FAT3: variants seen among roughly 807,000 people sequenced by gnomAD.
FAT3 encodes FAT atypical cadherin 3, also known as protocadherin Fat 3.
In FAT3, 95 loss-of-function variants were observed where a neutral mutation model predicts 310.2. The ratio of observed to expected loss-of-function variants is 0.31; its 90% CI spans 0.26 to 0.36. The LOEUF (loss-of-function observed/expected upper bound fraction) is 0.36. Among genes scored for constraint, FAT3 ranks in the 10% least tolerant of loss-of-function variants. The pLI is 1.00. For missense variants in FAT3, 5,408 were observed against 5,715.6 expected (o/e 0.95, Z 1.74); for synonymous variants, 2,314 against 2,192.9 (o/e 1.06, Z -1.54).
intron 4 of FAT3, among the ~76,000 whole-genome samples, chr11:92,727,721 C>CT (rs1945040554): frequency 6.6e-6 from 1 of 152,130 alleles, no homozygotes; most frequent in Non-Finnish European, 1.5e-5. Context: ...GTGCAGGGTC[C>CT]TTTATGTTTT....
rs191801951 is a variant in FAT3, at chr11:92,542,679, C to T, written c.3607+17731C>T. Among the ~76,000 whole-genome samples the T allele has an allele frequency of 8.6e-5, 13 of 151,890 alleles. No individual in the cohort carries two copies. In the East Asian group the frequency reaches 2.3e-3, roughly 27 times the overall value. On this transcript the variant is annotated intron_variant, in intron 3 of 27. Transcript: ENST00000525166. ...GCTATTATCAAAAAGACAAAAATAA[C>T]AAATGCTGGCATGGATGTGGAGAAA...
intron 3 of FAT3, among the ~76,000 whole-genome samples, chr11:92,630,020 G>C (rs759003743): frequency 6.6e-6 from 1 of 152,174 alleles, no homozygotes; most frequent in Non-Finnish European, 1.5e-5. Context: ...ATATTGGACA[G>C]TAATTGGTAC....
chr11:92,355,440 A>G (rs1948704775), intron 2 of FAT3, 36 bp downstream of exon 2: 1 of 1,565,670 alleles, frequency 6.4e-7, no homozygotes, highest in Non-Finnish European at 8.7e-7. Flanking sequence ...GTGTTGTTTC[A>G]CCTCTTTTAA....
chr11:92,453,776 G>A (rs1951425191), intron 2 of FAT3, among the ~76,000 whole-genome samples: 1 of 152,110 alleles, frequency 6.6e-6, no homozygotes, highest in African/African-American at 2.4e-5. Flanking sequence ...TAGGTGAAAT[G>A]CAAAACTATC....
chr11:92,648,441 T>G lies in FAT3; in HGVS notation c.3608-48943T>G, dbSNP rs552268863. Among the ~76,000 whole-genome samples the G allele has an allele frequency of 2.2e-3, 337 of 152,270 alleles. 1 individual carries two copies. The highest frequency in any genetic ancestry group is 7.9e-3 in the African/African-American group (327 of 41,552). On this transcript the variant is annotated intron_variant, in intron 3 of 27. Coordinates refer to ENST00000525166, the MANE Select transcript of FAT3 (RefSeq NM_001367949.2). ...TCCTGCTTCTGGAAGTTTTGGCAGTTGATGACTCTCAGCTGATTCTAGGAA... is the reference window on the plus strand; with the variant it reads ...TCCTGCTTCTGGAAGTTTTGGCAGTGGATGACTCTCAGCTGATTCTAGGAA...
chr11:92,241,163 G>A (rs1387214607), intron 1 of FAT3, among the ~76,000 whole-genome samples: 2 of 152,176 alleles, frequency 1.3e-5, no homozygotes, highest in Non-Finnish European at 2.9e-5. Context: ...AACTTACTAA[G>A]CATTCATTAC....
chr11:92,337,425 T>C (rs892822146), intron 1 of FAT3, among the ~76,000 whole-genome samples: 3 of 152,154 alleles, frequency 2.0e-5, no homozygotes, highest in African/African-American at 7.2e-5. Context: ...AAAACAGTTT[T>C]TTTGTTTGTT....
chr11:92,480,919 G>A (rs947392827), intron 2 of FAT3, among the ~76,000 whole-genome samples: 2 of 152,238 alleles, frequency 1.3e-5, no homozygotes, highest in African/African-American at 2.4e-5. Flanking sequence ...TGTTGTGTGA[G>A]TGAAGCTTTA....
chr11:92,864,194 TAGG>T (rs1255987499), intron 21 of FAT3, among the ~76,000 whole-genome samples: 6 of 152,086 alleles, frequency 3.9e-5, no homozygotes, highest in African/African-American at 1.2e-4. Flanking sequence ...TTCAAAGAGG[TAGG>T]AGGTGGGGGT....
chr11:92,421,766 C>T (rs1241572857), intron 2 of FAT3, among the ~76,000 whole-genome samples: 2 of 152,240 alleles, frequency 1.3e-5, no homozygotes, highest in Admixed American at 6.5e-5. Flanking sequence ...GTCAACTCTC[C>T]GTCTCTAAGT....
chr11:92,558,821 T>A (rs1282379278), intron 3 of FAT3, among the ~76,000 whole-genome samples: 2 of 152,116 alleles, frequency 1.3e-5, no homozygotes, highest in Non-Finnish European at 2.9e-5. Flanking sequence ...TTTACCTTCA[T>A]TCACCTCTGA....
intron 3 of FAT3, among the ~76,000 whole-genome samples, chr11:92,635,943 TTTTTG>T (rs541177357): frequency 1.1e-4 from 16 of 152,002 alleles, no homozygotes; most frequent in African/African-American, 7.2e-5. Flanking sequence ...AAGGTCTTCT[TTTTTG>T]TTTTGTTTTG....
rs1271126758 is a variant in FAT3, at chr11:92,831,921, A to G, written c.9781A>G (p.Thr3261Ala). 1 of 1,607,420 alleles carries G rather than the reference A, an allele frequency of 6.2e-7. No individual in the cohort carries two copies. The highest frequency in any genetic ancestry group is 1.7e-5 in the Admixed American group (1 of 58,950). ...PGTQVLAVFATSKDIGTNAEI... is the reference protein window; with the variant it reads ...PGTQVLAVFAASKDIGTNAEI... ...CACCCAAGTCCTTGCTGTTTTTGCC[A>G]CCAGCAAAGATATTGGCACAAATGC... The change falls in exon 14 of 28, where the codon ACC (threonine) becomes GCC (alanine). Residue 3261 changes from threonine (T) to alanine (A), a missense_variant. This residue lies in a region of FAT3 where 4,588 missense variants were observed against 4,809.8 expected (regional missense o/e 0.95). Transcript: ENST00000525166.
intron 2 of FAT3, among the ~76,000 whole-genome samples, chr11:92,411,282 T>C (rs1475394447): frequency 6.6e-6 from 1 of 151,340 alleles, no homozygotes; most frequent in Admixed American, 6.6e-5. Context: ...GCCATGTTAG[T>C]GTCACCTGCT....
At position 92,801,431 on chromosome 11, in the gene FAT3, T is replaced by A. The variant is rs1947350935; in HGVS notation, c.8418T>A (p.Asp2806Glu). ...TGGATGTAGATATCAAGGTATTGGA[T>A]TTGAATGACAACAAGCCAGTCTTTG... ...FTVDVDIKVL[D>E]LNDNKPVFET... Residue 2806 changes from aspartate to glutamate, a missense_variant, in exon 10 of 28, where the codon GAT becomes GAA. This residue lies in a region of FAT3 where 4,588 missense variants were observed against 4,809.8 expected (regional missense o/e 0.95). Transcript: ENST00000525166. 1 of 1,613,912 alleles carries A rather than the reference T, an allele frequency of 6.2e-7. No homozygotes were observed. Among genetic ancestry groups the A allele is most frequent in the East Asian group, 2.2e-5 (1 of 44,842 alleles).
intron 9 of FAT3, among the ~76,000 whole-genome samples, chr11:92,795,325 T>C (rs1591742585): frequency 6.6e-6 from 1 of 152,090 alleles, no homozygotes; most frequent in East Asian, 1.9e-4. Flanking sequence ...GCAACTTCTT[T>C]GTAGCAGATG....
chr11:92,634,006 G>T (rs1290890219), intron 3 of FAT3, among the ~76,000 whole-genome samples: 1 of 152,192 alleles, frequency 6.6e-6, no homozygotes, highest in Non-Finnish European at 1.5e-5. Context: ...GCTGATCATG[G>T]TATGCACATA....
intron 4 of FAT3, among the ~76,000 whole-genome samples, chr11:92,701,900 T>G (rs529622499): frequency 2.0e-5 from 3 of 152,222 alleles, no homozygotes; most frequent in Admixed American, 2.0e-4. Context: ...TTTTTGGTTT[T>G]CTTTCCTTGT....
rs1432339502 is a variant in FAT3, at chr11:92,798,793, T to G, written c.5780T>G (p.Leu1927Trp). 1 of 1,613,712 alleles carries G rather than the reference T, an allele frequency of 6.2e-7. No homozygotes were observed. Among genetic ancestry groups the G allele is most frequent in the Non-Finnish European group, 8.5e-7 (1 of 1,179,836 alleles). Residue 1927 changes from leucine (L) to tryptophan (W), a missense_variant, in exon 10 of 28, where the codon TTG becomes TGG. By Grantham distance (61) the Leu-to-Trp change is moderately conservative (BLOSUM62 -2). Around this residue, in one of 5 missense-constraint regions of FAT3, gnomAD observed 4,588 missense variants for 4,809.8 expected, o/e 0.95. Coordinates refer to ENST00000525166, the MANE Select transcript of FAT3 (RefSeq NM_001367949.2). ...ACATACAGCCTAATGGAAGGCAGTTTGGATCATTTTTTAATTGACTCAAAC... is the reference window on the plus strand; with the variant it reads ...ACATACAGCCTAATGGAAGGCAGTTGGGATCATTTTTTAATTGACTCAAAC... Reference protein sequence around the residue: ...ELTYSLMEGSLDHFLIDSNSG... With the variant: ...ELTYSLMEGSWDHFLIDSNSG...
Sources: allele counts gnomAD v4.1 joint callset (sites outside exome capture counted in the v4.1 genomes callset), GRCh38; gene constraint gnomAD v4.1.1; regional missense constraint gnomAD v4.1.1; transcripts MANE v1.5; gene names NCBI Gene and HGNC (gene_info 2026-07-23, HGNC 2026-07-21).